Variants in AHCYL1 observed in about 807,000 individuals in gnomAD.
AHCYL1 encodes the protein adenosylhomocysteinase like 1, also known as S-adenosylhomocysteine hydrolase-like protein 1.
AHCYL1 carries 20 observed loss-of-function variants against 79.3 expected under a neutral mutation model. The ratio of observed to expected loss-of-function variants is 0.25; its 90% CI spans 0.18 to 0.37. AHCYL1 has a LOEUF of 0.37. Among genes scored for constraint, AHCYL1 ranks in the 10% least tolerant of loss-of-function variants. The probability of loss-of-function intolerance (pLI) is 1.00; values close to 1 mark genes in which losing one functional copy is unlikely to be tolerated. For missense variants in AHCYL1, 330 were observed against 673.6 expected, an observed-to-expected ratio of 0.49 and a Z score of 5.65; for synonymous variants, 223 against 242.2, an observed-to-expected ratio of 0.92 and a Z score of 0.74.
chr1:110,013,448 G>A (rs747793106), intron 5 of AHCYL1, among the ~76,000 whole-genome samples: 2 of 152,132 alleles, frequency 1.3e-5, no homozygotes, highest in Non-Finnish European at 2.9e-5. Context: ...GGTGGCCCAC[G>A]CCTATAATCC....
Position 110,021,744 on chromosome 1 carries a change from T to TA in AHCYL1, c.*66dup. 1 of 1,522,346 alleles carries TA rather than the reference T, an allele frequency of 6.6e-7. No individual in the cohort carries two copies. Among genetic ancestry groups the TA allele is most frequent in the Non-Finnish European group, 9.0e-7 (1 of 1,112,174 alleles). 94.3% of individuals were successfully genotyped at this position (1,522,346 alleles called of 1,614,324 possible). Reference sequence around the variant, plus strand: ...CACTCTAAAGAAATATTTTTTAAGATAACTTTTATTTTCTTCTTACTCCTT... The same window carrying TA: ...CACTCTAAAGAAATATTTTTTAAGATAAACTTTTATTTTCTTCTTACTCCTT... On this transcript the variant is annotated 3_prime_UTR_variant, in exon 17 of 17. Transcript: ENST00000369799.
At chr1:110,021,018 G>A (rs1210735240) in intron 16 of AHCYL1, among the ~76,000 whole-genome samples, 167 bp downstream of exon 16, 1 of 152,222 alleles carries the variant, frequency 6.6e-6, no homozygotes, top group East Asian at 1.9e-4. Flanking sequence ...AGCACTTTGA[G>A]AGGCCTAGGC....
intron 1 of AHCYL1, among the ~76,000 whole-genome samples, chr1:110,001,335 C>T (rs111598835): frequency 0.034 from 5,184 of 152,138 alleles, 276 homozygotes; most frequent in African/African-American, 0.12. Context: ...TACAGGCACA[C>T]GCCACCATGC....
intron 1 of AHCYL1, among the ~76,000 whole-genome samples, chr1:109,997,202 A>T (rs1314208313): frequency 6.6e-6 from 1 of 152,238 alleles, no homozygotes; most frequent in Non-Finnish European, 1.5e-5. Context: ...AGTCAGAATA[A>T]GAATTTCCCT....
intron 6 of AHCYL1, 109 bp downstream of exon 6, chr1:110,014,966 T>G: frequency 9.7e-7 from 1 of 1,025,876 alleles, no homozygotes. Flanking sequence ...ATGCACTGAC[T>G]TTGTTGCTAA....
At chr1:109,995,153 A>G (rs1649962730) in intron 1 of AHCYL1, among the ~76,000 whole-genome samples, 1 of 152,222 alleles carries the variant, frequency 6.6e-6, no homozygotes, top group South Asian at 2.1e-4. Flanking sequence ...TTTACAAATC[A>G]TAAAGTTTAG....
chr1:110,003,949 G>T (rs1650479840), intron 1 of AHCYL1: 2 of 985,314 alleles, frequency 2.0e-6, no homozygotes, highest in South Asian at 9.4e-5. Flanking sequence ...GAAGTGTTTA[G>T]TCTTACAGGA....
intron 1 of AHCYL1, among the ~76,000 whole-genome samples, chr1:109,997,208 T>C (rs1221384976): frequency 6.6e-6 from 1 of 152,234 alleles, no homozygotes; most frequent in Non-Finnish European, 1.5e-5. Context: ...AATAAGAATT[T>C]CCCTAATGTG....
At position 110,016,743 on chromosome 1, in the gene AHCYL1, G is replaced by A. The variant is rs1437537588; in HGVS notation, c.963+13G>A. Reference sequence around the variant, plus strand: ...TGGCTATGGTGAGGTAAATAGCTGGGTCTCAGTGTCTCTTTCTTTTTGTGT... The same window carrying A: ...TGGCTATGGTGAGGTAAATAGCTGGATCTCAGTGTCTCTTTCTTTTTGTGT... On this transcript the variant is annotated intron_variant, in intron 9 of 16. Transcript: ENST00000369799. 1.9e-6 allele frequency: 3 copies of A among 1,613,834 alleles called. No homozygotes were observed. Among genetic ancestry groups the A allele is most frequent in the Non-Finnish European group, 2.5e-6 (3 of 1,179,982 alleles).
chr1:110,005,284 A>G (rs1459935530), intron 1 of AHCYL1, among the ~76,000 whole-genome samples: 1 of 152,222 alleles, frequency 6.6e-6, no homozygotes, highest in African/African-American at 2.4e-5. Flanking sequence ...TTTTGAGGAA[A>G]TTAAAAGCTG....
At chr1:109,988,691 C>T (rs1351622182) in intron 1 of AHCYL1, among the ~76,000 whole-genome samples, 1 of 152,178 alleles carries the variant, frequency 6.6e-6, no homozygotes, top group Non-Finnish European at 1.5e-5. Flanking sequence ...CAGAGTGATC[C>T]ATTAAACATT....
At chr1:110,014,727 A>G in intron 5 of AHCYL1, 36 bp from the exon 6 acceptor site, 2 of 1,529,102 alleles carry the variant, frequency 1.3e-6, no homozygotes, top group Non-Finnish European at 1.8e-6. Flanking sequence ...ACACTCCTCA[A>G]AGGAGGAATC....
chr1:109,985,021 GCGGGTCAGCCGCTGGC>G lies in AHCYL1; in HGVS notation c.-27_-12del. ...CCAGAGGGGGAAAGAGGCGGGGGCG[GCGGGTCAGCCGCTGGC>G]CGGGCCGGCCGGGGAATGTCGATGC... On this transcript the variant is annotated 5_prime_UTR_variant, in exon 1 of 17. Transcript: ENST00000369799. The G allele has an allele frequency of 6.6e-7, 1 of 1,505,396 alleles. No homozygotes were observed. Among genetic ancestry groups the G allele is most frequent in the South Asian group, 1.2e-5 (1 of 80,112 alleles). 93.3% of individuals were successfully genotyped at this position (1,505,396 alleles called of 1,614,324 possible).
intron 1 of AHCYL1, among the ~76,000 whole-genome samples, chr1:109,992,088 A>G (rs1478075645): frequency 3.3e-5 from 5 of 151,466 alleles, no homozygotes; most frequent in East Asian, 1.9e-4. Context: ...GGGCGGGGGG[A>G]AGAAAAGAGA....
intron 7 of AHCYL1, 101 bp from the exon 8 acceptor site, chr1:110,016,243 G>A (rs1651415227): frequency 1.4e-6 from 1 of 726,320 alleles, no homozygotes; most frequent in Non-Finnish European, 2.4e-6. Flanking sequence ...ACTGGGAAGG[G>A]CAGCATGGAA....
At chr1:110,004,031 T>G in intron 1 of AHCYL1, 1 of 985,414 alleles carries the variant, frequency 1.0e-6, no homozygotes, top group Non-Finnish European at 1.2e-6. Flanking sequence ...TTCCTTACCT[T>G]TTAAGTGACT....
chr1:109,985,388 G>C, intron 1 of AHCYL1: 1 of 1,297,096 alleles, frequency 7.7e-7, no homozygotes, highest in South Asian at 2.0e-5. Flanking sequence ...AGTCCTCCGG[G>C]ATCGTTTTGA....
At position 110,006,153 on chromosome 1, in the gene AHCYL1, C is replaced by T. The variant is rs1010028512; in HGVS notation, c.121-2881C>T. Among the ~76,000 whole-genome samples, 5 of 152,290 alleles carry T rather than the reference C, an allele frequency of 3.3e-5. 1 individual carries two copies. Among genetic ancestry groups the T allele is most frequent in the Admixed American group, 3.3e-4 (5 of 15,296 alleles). ...GACCTTCTAGCCTTTCATAAATATG[C>T]TCTTAGTGTAAGAATGGAACACTGG... On this transcript the variant is annotated intron_variant, in intron 1 of 16. Coordinates refer to ENST00000369799, the MANE Select transcript of AHCYL1 (RefSeq NM_006621.7).
chr1:110,014,247 T>C (rs571426499), intron 5 of AHCYL1, among the ~76,000 whole-genome samples: 1 of 152,368 alleles, frequency 6.6e-6, no homozygotes, highest in Non-Finnish European at 1.5e-5. Context: ...AGTATTTGAT[T>C]AATGTTTTTC....
Sources: allele counts gnomAD v4.1 joint callset (sites outside exome capture counted in the v4.1 genomes callset), GRCh38; gene constraint gnomAD v4.1.1; transcripts MANE v1.5; gene names NCBI Gene and HGNC (gene_info 2026-07-23, HGNC 2026-07-21).